ERAP1: variants seen among roughly 807,000 people sequenced by gnomAD.
The protein encoded by ERAP1 is adipocyte-derived leucine aminopeptidase.
ERAP1 carries 86 observed loss-of-function variants against 103.7 expected under a neutral mutation model. That is an observed-to-expected ratio of 0.83 (90% CI 0.70 to 0.99). ERAP1 has a LOEUF of 0.99. Among genes scored for constraint, ERAP1 ranks in the 50% least tolerant of loss-of-function variants. The probability of loss-of-function intolerance (pLI) is 0.00; values close to 1 mark genes in which losing one functional copy is unlikely to be tolerated. For missense variants in ERAP1, 1,009 were observed against 1,128.4 expected, an observed-to-expected ratio of 0.89 and a Z score of 1.52; for synonymous variants, 398 against 402.4, an observed-to-expected ratio of 0.99 and a Z score of 0.13.
At chr5:96,866,292 C>T in the ERAP1 span, among the ~76,000 whole-genome samples, 1 of 152,164 alleles carries the variant, frequency 6.6e-6, no homozygotes, top group East Asian at 1.9e-4. Context: ...TGTGTACAAG[C>T]TGTTTATACT....
the ERAP1 span, chr5:96,892,155 C>A: frequency 1.8e-5 from 13 of 742,336 alleles, no homozygotes; most frequent in Non-Finnish European, 2.8e-5. Flanking sequence ...TATAAGACAC[C>A]CTGTCAATGT....
the ERAP1 span, among the ~76,000 whole-genome samples, chr5:96,830,498 A>G: frequency 6.6e-6 from 1 of 152,232 alleles, no homozygotes; most frequent in African/African-American, 2.4e-5. Flanking sequence ...TTCATCAACA[A>G]GATGGAATAT....
At chr5:96,771,520 C>A, downstream of ERAP1, 2 of 638,060 alleles carry the variant, frequency 3.1e-6, no homozygotes, top group Non-Finnish European at 5.5e-6. Context: ...AGAAGAGAAA[C>A]TGAAAGGACC....
Position 96,775,035 on chromosome 5 carries a change from C to T in ERAP1, c.*1361G>A, listed in dbSNP as rs538415247. The T allele has an allele frequency of 4.2e-5, 41 of 984,184 alleles. No homozygotes were observed. The South Asian group carries it at 1.5e-3, about 36-fold the overall frequency. The allele number at this position is 984,184 out of a possible 1,614,324, so 61.0% of individuals were successfully genotyped here. On this transcript the variant is annotated 3_prime_UTR_variant, in exon 19 of 19. Transcript: ENST00000443439. ...CGCACCTTAGAGTCAGCGCAAAACACGCTGCAACTTGAATCAAGTCAGCAA... is the reference window on the plus strand; with the variant it reads ...CGCACCTTAGAGTCAGCGCAAAACATGCTGCAACTTGAATCAAGTCAGCAA...
intron 18 of ERAP1, among the ~76,000 whole-genome samples, chr5:96,779,161 T>C (rs1581531763): frequency 6.6e-6 from 1 of 152,238 alleles, no homozygotes; most frequent in Non-Finnish European, 1.5e-5. Flanking sequence ...TTGTCTGTAA[T>C]TGTCTGATTC....
the ERAP1 span, among the ~76,000 whole-genome samples, chr5:96,914,324 T>C: frequency 2.6e-5 from 4 of 152,212 alleles, no homozygotes; most frequent in African/African-American, 9.7e-5. Flanking sequence ...CCTAGTTCCT[T>C]CTCTTTCATT....
At chr5:96,766,047 A>G (rs1423605147) in intron 19 of ERAP1, 4 of 1,528,538 alleles carry the variant, frequency 2.6e-6, no homozygotes, top group Non-Finnish European at 3.6e-6. Context: ...CTCACTGTTG[A>G]TATAGGAAAA....
the ERAP1 span, among the ~76,000 whole-genome samples, chr5:96,831,801 C>T: frequency 2.0e-5 from 3 of 152,204 alleles, no homozygotes; most frequent in African/African-American, 4.8e-5. Context: ...AGCTAGCCCA[C>T]GTCTTTCCCT....
chr5:96,878,726 G>A, the ERAP1 span, among the ~76,000 whole-genome samples: 5 of 152,060 alleles, frequency 3.3e-5, no homozygotes, highest in African/African-American at 4.8e-5. Context: ...TCAGGAGTTC[G>A]AGACTAGCCA....
At chr5:96,926,124 A>ATGGTCTCAACCTCC in the ERAP1 span, among the ~76,000 whole-genome samples, 8 of 152,038 alleles carry the variant, frequency 5.3e-5, no homozygotes, top group East Asian at 1.5e-3. Flanking sequence ...GTTAGCCAAA[A>ATGGTCTCAACCTCC]TGGTCTCAAC....
In ERAP1 at chr5:96,783,170, G is replaced by A; in HGVS notation, c.2166C>T (p.Val722=). The A allele has an allele frequency of 1.2e-6, 2 of 1,614,212 alleles. No individual in the cohort carries two copies. The highest frequency in any genetic ancestry group is 1.7e-6 in the Non-Finnish European group (2 of 1,180,022). The change falls in exon 15 of 19, where the codon GTC becomes GTT. Residue 722 remains valine, a synonymous_variant. Transcript: ENST00000443439. ...DKQTWTDEGS[V]SERMLRSQLL... is the part of the protein sequence containing the mutation. ...GTTGACTCCGCAGCATTCGCTCTGA[G>A]ACTGAGCCCTCGTCTGTCCATGTCT...
chr5:96,822,964 T>C, the ERAP1 span: 2 of 441,166 alleles, frequency 4.5e-6, no homozygotes, highest in Non-Finnish European at 9.2e-6. Context: ...AGGGATCCAC[T>C]TTCAGTCTCA....
In ERAP1 at chr5:96,803,461, A is replaced by G. The variant is rs935308859; in HGVS notation, c.466T>C (p.Ser156Pro). ...TVVIHYAGNLSETFHGFYKST... is the reference protein window; with the variant it reads ...TVVIHYAGNLPETFHGFYKST... ...TTGTAAAATCCGTGGAAAGTCTCCG[A>G]AAGATTGCCAGCATAGTGAATGACA... The change falls in exon 2 of 19, where the codon TCG becomes CCG. Residue 156 changes from serine (S) to proline (P), a missense_variant. Coordinates refer to ENST00000443439, the MANE Select transcript of ERAP1 (RefSeq NM_001040458.3). 1.2e-6 allele frequency: 2 copies of G among 1,613,038 alleles called. No individual in the cohort carries two copies. The highest frequency in any genetic ancestry group is 3.3e-5 in the Admixed American group (2 of 59,780).
At chr5:96,836,176 G>GTTTTTTTTTT in the ERAP1 span, among the ~76,000 whole-genome samples, 11 of 106,676 alleles carry the variant, frequency 1.0e-4, no homozygotes, top group East Asian at 2.7e-4. Context: ...CACCTCTTTG[G>GTTTTTTTTTT]TTTTTTTTTT....
At chr5:96,859,431 G>A in the ERAP1 span, among the ~76,000 whole-genome samples, 7,479 of 152,090 alleles carry the variant, frequency 0.049, 223 homozygotes, top group South Asian at 0.11. Flanking sequence ...CTCCCAGACC[G>A]TTTGTGCTGG....
In ERAP1 at chr5:96,762,193, T is replaced by C. The variant is rs77762128; in HGVS notation, c.*1007A>G. On this transcript the variant is annotated 3_prime_UTR_variant, in exon 20 of 20. Transcript: ENST00000296754. ...GAATAAACAGTCATTAAGCTATCTT[T>C]AAGAGTTATAGTTAAGTGATGGCAT... 509 of 769,174 alleles carry C rather than the reference T, an allele frequency of 6.6e-4. 1 individual carries two copies. In the African/African-American group the frequency reaches 8.3e-3, roughly 13 times the overall value. 47.6% of individuals were successfully genotyped at this position (769,174 alleles called of 1,614,324 possible).
At chr5:96,922,536 G>A in the ERAP1 span, among the ~76,000 whole-genome samples, 1 of 152,262 alleles carries the variant, frequency 6.6e-6, no homozygotes, top group African/African-American at 2.4e-5. Flanking sequence ...AGCAGGAGTC[G>A]TAGAAGGACA....
chr5:96,797,369 T>TAATTAGG, intron 3 of ERAP1, 60 bp from the exon 4 acceptor site: 1 of 1,565,700 alleles, frequency 6.4e-7, no homozygotes, highest in Non-Finnish European at 8.8e-7. Flanking sequence ...GTGAACATGA[T>TAATTAGG]AAATTTCCTA....
In ERAP1 at chr5:96,807,933, CGAAAGT is replaced by C; in HGVS notation, c.-97_-92del. 1 of 985,990 alleles carries C rather than the reference CGAAAGT, an allele frequency of 1.0e-6. No individual in the cohort carries two copies. The highest frequency in any genetic ancestry group is 1.2e-6 in the Non-Finnish European group (1 of 830,396). The allele number at this position is 985,990 out of a possible 1,614,324, so 61.1% of individuals were successfully genotyped here. ...GCCGCCGGCCTAGCTCCCCCAGGAC[CGAAAGT>C]GAAAGTGGAGCCCGGGGAGCGGCAG... On this transcript the variant is annotated 5_prime_UTR_variant, in exon 1 of 19. Coordinates refer to ENST00000443439, the MANE Select transcript of ERAP1 (RefSeq NM_001040458.3).
Sources: gnomAD v4.1 joint callset for allele counts (sites outside exome capture counted in the v4.1 genomes callset) on GRCh38, gnomAD v4.1.1 for gene constraint, MANE v1.5 for transcripts, NCBI Gene and HGNC (gene_info 2026-07-23, HGNC 2026-07-21) for gene names.